NUDT8: variants seen among roughly 807,000 people sequenced by gnomAD.
NUDT8 encodes mitochondrial coenzyme A diphosphatase NUDT8.
NUDT8 carries 14 observed loss-of-function variants against 12.5 expected under a neutral mutation model. The ratio of observed to expected loss-of-function variants is 1.12; its 90% CI spans 0.74 to 1.75. The LOEUF (loss-of-function observed/expected upper bound fraction) is 1.75, where lower values mean the gene tolerates loss of function less well. NUDT8 is among the 40% of genes most tolerant of loss of function. NUDT8 has a pLI of 0.00. For missense variants in NUDT8, 337 were observed against 318.5 expected, an observed-to-expected ratio of 1.06 and a Z score of -0.44; for synonymous variants, 163 against 156.2, an observed-to-expected ratio of 1.04 and a Z score of -0.33.
chr11:67,629,127 G>C (rs938228108), intron 1 of NUDT8, 76 bp from the exon 2 acceptor site: 1 of 1,444,144 alleles, frequency 6.9e-7, no homozygotes, highest in Non-Finnish European at 9.3e-7. Context: ...GTGCGGGGGG[G>C]GCCACTGGCC....
chr11:67,628,934 C>T lies in NUDT8; in HGVS notation c.312G>A (p.Arg104=). Residue 104 remains arginine, a synonymous_variant, in exon 2 of 4, where the codon CGG becomes CGA. Coordinates refer to ENST00000376693, the MANE Select transcript of NUDT8 (RefSeq NM_001243750.2). ...AGTGGCTTACCGGATCATACACAGG[C>T]CGCAGCAGGCCCCACACGTGCTCCT... ...VPEEHVWGLL[R]PVYDPQKATV... is the part of the protein sequence containing the mutation. The T allele has an allele frequency of 1.2e-6, 2 of 1,610,902 alleles. No homozygotes were observed. The highest frequency in any genetic ancestry group is 1.7e-6 in the Non-Finnish European group (2 of 1,178,626).
chr11:67,628,986 CG>C lies in NUDT8; in HGVS notation c.259del (p.Arg87GlyfsTer35). The C allele has an allele frequency of 6.2e-7, 1 of 1,613,060 alleles. No individual in the cohort carries two copies. The highest frequency in any genetic ancestry group is 1.3e-5 in the African/African-American group (1 of 75,076). On this transcript the variant is annotated frameshift_variant, in exon 2 of 4. Coordinates refer to ENST00000376693, the MANE Select transcript of NUDT8 (RefSeq NM_001243750.2). LOFTEE classifies it high-confidence loss of function. ...GGGCACTGCCAGGCCCAGCTCCTCC[CG>C]GGTTTCCCGCAGGGCCGTGTGCACC... is the stretch of plus-strand genomic sequence containing the variant. ...DVVHTALRETREELGLAVPEE... is the reference protein window; with the variant it reads ...DVVHTALRETXEELGLAVPEE...
At chr11:67,628,793 G>A in intron 2 of NUDT8, 126 bp downstream of exon 2, 1 of 1,265,682 alleles carries the variant, frequency 7.9e-7, no homozygotes, top group South Asian at 1.4e-5. Context: ...AGGCAGGTTA[G>A]GGGCACCCTT....
Position 67,628,038 on chromosome 11 carries a change from AGGTCAGGCCGGCCAGGCG to A in NUDT8, c.601_618del (p.Arg201_Thr206del). 1 of 1,598,378 alleles carries A rather than the reference AGGTCAGGCCGGCCAGGCG, an allele frequency of 6.3e-7. No homozygotes were observed. The highest frequency in any genetic ancestry group is 1.1e-5 in the South Asian group (1 of 91,084). On this transcript the variant is annotated inframe_deletion, in exon 4 of 4. Transcript: ENST00000376693. Reference sequence around the variant, plus strand: ...CGGGCCAGACCCTCAGCCCCTGAGCAGGTCAGGCCGGCCAGGCGGGGCTGGTAGGTACCAGGTGCCAGC... The same window carrying A: ...CGGGCCAGACCCTCAGCCCCTGAGCAGGGCTGGTAGGTACCAGGTGCCAGC...
At position 67,629,919 on chromosome 11, in the gene NUDT8, C is replaced by A; in HGVS notation, c.-8G>T. ...CAGGCAGTCGGGCAGCATGTCAAGT[C>A]CTGCGCGGCCGGGACACTGAGGGCG... On this transcript the variant is annotated 5_prime_UTR_variant, in exon 1 of 4. Transcript: ENST00000376693. 1 of 1,227,632 alleles carries A rather than the reference C, an allele frequency of 8.1e-7. No homozygotes were observed. Among genetic ancestry groups the A allele is most frequent in the South Asian group, 3.9e-5 (1 of 25,718 alleles). 76.0% of individuals were successfully genotyped at this position (1,227,632 alleles called of 1,614,324 possible). A position where few individuals can be genotyped will look rare whatever the true frequency, so the allele number is the denominator to read the frequency against.
chr11:67,629,920 C>A lies in NUDT8; in HGVS notation c.-9G>T. 8.1e-7 allele frequency: 1 copy of A among 1,227,614 alleles called. No individual in the cohort carries two copies. The highest frequency in any genetic ancestry group is 3.9e-5 in the South Asian group (1 of 25,702). The allele number at this position is 1,227,614 out of a possible 1,614,324, so 76.0% of individuals were successfully genotyped here. On this transcript the variant is annotated 5_prime_UTR_variant, in exon 1 of 4. It adds an upstream start codon to the 5' untranslated region. Transcript: ENST00000376693. ...AGGCAGTCGGGCAGCATGTCAAGTCCTGCGCGGCCGGGACACTGAGGGCGC... is the reference window on the plus strand; with the variant it reads ...AGGCAGTCGGGCAGCATGTCAAGTCATGCGCGGCCGGGACACTGAGGGCGC...
At chr11:67,628,771 G>A (rs1424865152) in intron 2 of NUDT8, 148 bp downstream of exon 2, 5 of 1,009,768 alleles carry the variant, frequency 5.0e-6, no homozygotes, top group Non-Finnish European at 5.9e-6. Context: ...GTGTGGGGTG[G>A]TGCATGTGAC....
rs1384201673 is a variant in NUDT8, at chr11:67,629,717, C to CAGCGGCCTTGTG, written c.194_194+1insCACAAGGCCGCT (p.Ser65_Phe66insThrArgProLeu). Reference sequence around the variant, plus strand: ...GGGCGAGGAGTTCCCGGCCGCTGTACCTGACGTCGCCCTTGTGCCTCCCGG... The same window carrying CAGCGGCCTTGTG: ...GGGCGAGGAGTTCCCGGCCGCTGTACAGCGGCCTTGTGCTGACGTCGCCCTTGTGCCTCCCGG... On this transcript the variant is annotated inframe_insertion and splice_region_variant. Coordinates refer to ENST00000376693, the MANE Select transcript of NUDT8 (RefSeq NM_001243750.2). 3 of 1,515,178 alleles carry CAGCGGCCTTGTG rather than the reference C, an allele frequency of 2.0e-6. No individual in the cohort carries two copies. Among genetic ancestry groups the CAGCGGCCTTGTG allele is most frequent in the Non-Finnish European group, 2.6e-6 (3 of 1,133,888 alleles). The allele number at this position is 1,515,178 out of a possible 1,614,324, so 93.9% of individuals were successfully genotyped here.
chr11:67,628,860 C>A, intron 2 of NUDT8, 59 bp downstream of exon 2: 1 of 1,551,622 alleles, frequency 6.4e-7, no homozygotes, highest in Non-Finnish European at 8.8e-7. Flanking sequence ...GGTAGCCCAG[C>A]TCCAGGGCAG....
intron 1 of NUDT8, chr11:67,629,425 G>A (rs1393531617): frequency 1.6e-5 from 6 of 385,656 alleles, no homozygotes; most frequent in Non-Finnish European, 2.3e-5. Flanking sequence ...GGCGGCGTCC[G>A]CCCTCTAAGC....
intron 2 of NUDT8, 21 bp from the exon 3 acceptor site, chr11:67,628,421 TC>T: frequency 1.2e-6 from 2 of 1,608,036 alleles, no homozygotes; most frequent in Non-Finnish European, 1.7e-6. Context: ...GGGCAGGTGG[TC>T]AGGGAAGCAT....
In NUDT8 at chr11:67,628,309, A is replaced by G. The variant is rs1166523363; in HGVS notation, c.405+14T>C. On this transcript the variant is annotated intron_variant, in intron 3 of 3. Transcript: ENST00000376693. ...GACTGGAACAGCCCAACCCCCTCATATCCCCCAGCTCACCTCCTCCGAGTT... is the reference window on the plus strand; with the variant it reads ...GACTGGAACAGCCCAACCCCCTCATGTCCCCCAGCTCACCTCCTCCGAGTT... 1 of 1,613,758 alleles carries G rather than the reference A, an allele frequency of 6.2e-7. No individual in the cohort carries two copies. The highest frequency in any genetic ancestry group is 8.5e-7 in the Non-Finnish European group (1 of 1,179,968).
At chr11:67,628,273 G>A in intron 3 of NUDT8, 22 bp from the exon 4 acceptor site, 2 of 1,613,532 alleles carry the variant, frequency 1.2e-6, no homozygotes, top group Non-Finnish European at 1.7e-6. Flanking sequence ...AGGCAGAGAG[G>A]GTAGACAGAG....
intron 1 of NUDT8, chr11:67,629,316 A>T (rs1429592530): frequency 2.2e-6 from 1 of 453,734 alleles, no homozygotes; most frequent in East Asian, 3.5e-5. Flanking sequence ...AGATACCCAA[A>T]TTCGGCCTAT....
Position 67,628,367 on chromosome 11 carries a change from C to T in NUDT8, c.361G>A (p.Val121Ile), listed in dbSNP as rs777785524. The T allele has an allele frequency of 3.7e-6, 6 of 1,613,912 alleles. No individual in the cohort carries two copies. The highest frequency in any genetic ancestry group is 3.4e-6 in the Non-Finnish European group (4 of 1,179,990). The change falls in exon 3 of 4, where the codon GTA becomes ATA. Residue 121 changes from valine to isoleucine, a missense_variant. Val to Ile is a conservative substitution (Grantham distance 29). Transcript: ENST00000376693. ...AGGCTCTGGGGATCCAGTGGGCCTA[C>T]ACCAGCAAGCACTGGCACCACGGTG... Reference protein sequence around the residue: ...KATVVPVLAGVGPLDPQSLRP... With the variant: ...KATVVPVLAGIGPLDPQSLRP...
At chr11:67,629,668 C>T (rs1855175546) in intron 1 of NUDT8, 50 bp downstream of exon 1, 8 of 1,187,258 alleles carry the variant, frequency 6.7e-6, no homozygotes, top group Non-Finnish European at 7.9e-6. Context: ...CTGCCAGCCC[C>T]GGGCTCCTGT....
intron 1 of NUDT8, 149 bp from the exon 2 acceptor site, chr11:67,629,200 C>T (rs1855165170): frequency 5.4e-6 from 4 of 745,554 alleles, no homozygotes; most frequent in South Asian, 1.8e-5. Context: ...GCCATGCGAC[C>T]TCTGGAGGCC....
In NUDT8 at chr11:67,628,850, G is replaced by C. The variant is rs921093136; in HGVS notation, c.327+69C>G. 53 of 1,541,234 alleles carry C rather than the reference G, an allele frequency of 3.4e-5. No individual in the cohort carries two copies. In the African/African-American group the frequency reaches 6.8e-4, roughly 20 times the overall value. On this transcript the variant is annotated intron_variant, in intron 2 of 3. Transcript: ENST00000376693. ...GTCCATGACCACTCTCCTGGTCCCTGGTAGCCCAGCTCCAGGGCAGGCACA... is the reference window on the plus strand; with the variant it reads ...GTCCATGACCACTCTCCTGGTCCCTCGTAGCCCAGCTCCAGGGCAGGCACA...
At chr11:67,628,872 C>A in intron 2 of NUDT8, 47 bp downstream of exon 2, 1 of 1,574,744 alleles carries the variant, frequency 6.4e-7, no homozygotes, top group Non-Finnish European at 8.7e-7. Flanking sequence ...CCAGGGCAGG[C>A]ACAGAGTGAG....
Sources: allele counts gnomAD v4.1 joint callset, GRCh38; gene constraint gnomAD v4.1.1; transcripts MANE v1.5; gene names NCBI Gene and HGNC (gene_info 2026-07-23, HGNC 2026-07-21).